CCBE1: variants seen among roughly 807,000 people sequenced by gnomAD.
CCBE1 encodes the protein collagen and calcium-binding EGF domain-containing protein 1.
Under a neutral mutation model 50.0 loss-of-function variants are expected in CCBE1, and 37 were observed. The ratio of observed to expected loss-of-function variants is 0.74; its 90% confidence interval spans 0.57 to 0.97. The LOEUF (loss-of-function observed/expected upper bound fraction) is 0.97, where lower values mean the gene tolerates loss of function less well. CCBE1 is among the 50% of genes least tolerant of loss of function. The pLI is 0.00. For synonymous variants in CCBE1, 234 were observed against 203.7 expected (o/e 1.15, Z -1.27); for missense variants, 538 against 523.8 (o/e 1.03, Z -0.26).
At chr18:59,541,534 G>T (rs1033934370) in intron 2 of CCBE1, among the ~76,000 whole-genome samples, 1 of 152,168 alleles carries the variant, frequency 6.6e-6, no homozygotes, top group African/African-American at 2.4e-5. Context: ...TACTCCAGTA[G>T]ATATGTGCAG....
At chr18:59,696,817 G>T in intron 1 of CCBE1, 108 bp from the exon 2 acceptor site, 3 of 1,220,666 alleles carry the variant, frequency 2.5e-6, no homozygotes, top group African/African-American at 1.5e-5. Flanking sequence ...TCCCCGTCCC[G>T]GCGCTCTGGG....
At chr18:59,634,906 A>T (rs977569848) in intron 2 of CCBE1, among the ~76,000 whole-genome samples, 2 of 152,230 alleles carry the variant, frequency 1.3e-5, no homozygotes, top group African/African-American at 4.8e-5. Flanking sequence ...AAGAGGGATT[A>T]AGAGACAGGG....
chr18:59,531,663 G>C (rs554201800), intron 2 of CCBE1, among the ~76,000 whole-genome samples: 1 of 152,124 alleles, frequency 6.6e-6, no homozygotes, highest in Non-Finnish European at 1.5e-5. Flanking sequence ...CGGATCACTT[G>C]AGCCCAGGAA....
At chr18:59,570,905 C>T (rs1037440206) in intron 2 of CCBE1, among the ~76,000 whole-genome samples, 1 of 152,120 alleles carries the variant, frequency 6.6e-6, no homozygotes, top group Admixed American at 6.5e-5. Flanking sequence ...TTTATATGGT[C>T]CCCTAGCAGT....
chr18:59,516,298 G>A (rs1399458650), intron 2 of CCBE1, among the ~76,000 whole-genome samples: 1 of 151,696 alleles, frequency 6.6e-6, no homozygotes, highest in Non-Finnish European at 1.5e-5. Flanking sequence ...TAGATACCAT[G>A]ATGCCAAGGA....
chr18:59,541,752 A>C (rs1042928643), intron 2 of CCBE1, among the ~76,000 whole-genome samples: 3 of 152,160 alleles, frequency 2.0e-5, no homozygotes. Context: ...ACAAGATAAC[A>C]CACTCTGTGT....
intron 2 of CCBE1, among the ~76,000 whole-genome samples, chr18:59,511,313 T>C (rs1454080924): frequency 6.6e-6 from 1 of 152,242 alleles, no homozygotes; most frequent in Non-Finnish European, 1.5e-5. Context: ...TGATGGCATT[T>C]AATCAGAATG....
intron 2 of CCBE1, among the ~76,000 whole-genome samples, chr18:59,620,795 T>C (rs1397168679): frequency 6.6e-6 from 1 of 152,220 alleles, no homozygotes; most frequent in Non-Finnish European, 1.5e-5. Context: ...TGTGGAACTG[T>C]GAGTCCATTA....
At chr18:59,524,196 C>T (rs908169982) in intron 2 of CCBE1, among the ~76,000 whole-genome samples, 2 of 152,032 alleles carry the variant, frequency 1.3e-5, no homozygotes, top group African/African-American at 2.4e-5. Flanking sequence ...GGTACATGCC[C>T]GTAATCCCAG....
intron 3 of CCBE1, among the ~76,000 whole-genome samples, chr18:59,473,366 G>A (rs376276529): frequency 1.3e-5 from 2 of 152,046 alleles, no homozygotes; most frequent in Non-Finnish European, 2.9e-5. Context: ...GCTTTTGTAT[G>A]AATCACATCT....
Position 59,651,431 on chromosome 18 carries a change from G to A in CCBE1, c.212+45198C>T, listed in dbSNP as rs889960489. 8.5e-5 allele frequency among the ~76,000 whole-genome samples: 13 copies of A among 152,188 alleles called. No homozygotes were observed. In the South Asian group the frequency reaches 1.4e-3, roughly 17 times the overall value. On this transcript the variant is annotated intron_variant, in intron 2 of 10. Transcript: ENST00000439986. ...TTTTAAACGAGACTGCATGCCAAAC[G>A]CTGGTTCATCCTCTTGGGCTCAGTT...
At chr18:59,686,677 C>G (rs1445319282) in intron 2 of CCBE1, among the ~76,000 whole-genome samples, 9 of 152,116 alleles carry the variant, frequency 5.9e-5, no homozygotes, top group Admixed American at 5.9e-4. Flanking sequence ...ATTCAAAGCT[C>G]CCTTTATCAT....
intron 2 of CCBE1, among the ~76,000 whole-genome samples, chr18:59,646,743 C>T (rs1263283731): frequency 1.3e-5 from 2 of 152,208 alleles, no homozygotes; most frequent in Admixed American, 6.5e-5. Flanking sequence ...GATTTCAAAA[C>T]GGTACTTCCC....
intron 2 of CCBE1, among the ~76,000 whole-genome samples, chr18:59,609,867 T>C (rs766624485): frequency 3.6e-4 from 55 of 152,356 alleles, no homozygotes; most frequent in Non-Finnish European, 5.1e-4. Flanking sequence ...GTACCAGGGA[T>C]AATATTCAAT....
chr18:59,508,873 C>T (rs1022854476), intron 2 of CCBE1, among the ~76,000 whole-genome samples: 1 of 151,936 alleles, frequency 6.6e-6, no homozygotes, highest in Admixed American at 6.5e-5. Context: ...TGTGCCACCA[C>T]ATACACGGCT....
At chr18:59,543,834 C>CA (rs10678902) in intron 2 of CCBE1, among the ~76,000 whole-genome samples, 20,543 of 68,672 alleles carry the variant, frequency 0.3, 2,986 homozygotes, top group Non-Finnish European at 0.33. Flanking sequence ...GACTCCGTCT[C>CA]AAAAAAAAAA....
intron 2 of CCBE1, among the ~76,000 whole-genome samples, chr18:59,663,327 G>A (rs1361190438): frequency 6.6e-6 from 1 of 152,142 alleles, no homozygotes; most frequent in South Asian, 2.1e-4. Flanking sequence ...TGAACTTCCT[G>A]GAATAGCTGG....
intron 2 of CCBE1, among the ~76,000 whole-genome samples, chr18:59,568,997 C>T (rs979301373): frequency 5.3e-5 from 8 of 152,218 alleles, no homozygotes; most frequent in East Asian, 1.9e-4. Context: ...GATGTCTCTG[C>T]GTCTCTGTTC....
chr18:59,597,235 G>A (rs2053365240), intron 2 of CCBE1, among the ~76,000 whole-genome samples: 1 of 152,186 alleles, frequency 6.6e-6, no homozygotes, highest in African/African-American at 2.4e-5. Context: ...TGAAGTACCT[G>A]TCTCATGAGG....
Sources: gnomAD v4.1 joint callset for allele counts (sites outside exome capture counted in the v4.1 genomes callset) on GRCh38, gnomAD v4.1.1 for gene constraint, MANE v1.5 for transcripts, NCBI Gene and HGNC (gene_info 2026-07-23, HGNC 2026-07-21) for gene names.